Variants in BMPER observed in about 807,000 individuals in gnomAD.
BMPER encodes the protein BMP-binding endothelial regulator protein.
A neutral mutation model predicts 87.3 loss-of-function variants in BMPER; 45 were observed. The ratio of observed to expected loss-of-function variants is 0.52; its 90% confidence interval spans 0.41 to 0.66. The LOEUF (loss-of-function observed/expected upper bound fraction) is 0.66. BMPER is among the 30% of genes least tolerant of loss of function. The pLI, the probability that BMPER is intolerant of heterozygous loss-of-function variation, is 0.00. For synonymous variants in BMPER, 326 were observed against 316.2 expected (o/e 1.03, Z -0.33); for missense variants, 784 against 867.5 (o/e 0.90, Z 1.21).
At chr7:34,065,243 T>TCTCTCTCC (rs1243528612) in intron 11 of BMPER, among the ~76,000 whole-genome samples, 187 of 130,280 alleles carry the variant, frequency 1.4e-3, no homozygotes, top group African/African-American at 4.7e-3. Flanking sequence ...TCTCTCTCTC[T>TCTCTCTCC]CTCTCCCTCT....
At chr7:33,965,157 AC>A (rs1370786745) in intron 3 of BMPER, among the ~76,000 whole-genome samples, 1 of 152,182 alleles carries the variant, frequency 6.6e-6, no homozygotes, top group Non-Finnish European at 1.5e-5. Flanking sequence ...TATCTCTGTA[AC>A]ACTTCATGCA....
At chr7:33,909,085 G>A (rs913881785) in intron 2 of BMPER, among the ~76,000 whole-genome samples, 1 of 152,130 alleles carries the variant, frequency 6.6e-6, no homozygotes, top group Admixed American at 6.5e-5. Context: ...ACATTTATGT[G>A]TACTATTTTT....
chr7:33,924,011 C>T (rs1784298163), intron 2 of BMPER, among the ~76,000 whole-genome samples: 1 of 152,126 alleles, frequency 6.6e-6, no homozygotes, highest in Admixed American at 6.5e-5. Flanking sequence ...TGCATCTGTC[C>T]ACGTGTCTAC....
intron 6 of BMPER, among the ~76,000 whole-genome samples, chr7:33,988,421 C>G (rs11974011): frequency 0.57 from 86,889 of 151,856 alleles, 25,156 homozygotes; most frequent in Middle Eastern, 0.64. Context: ...ACTGAATGGA[C>G]AGAACATATG....
Position 34,062,042 on chromosome 7 carries a change from C to T in BMPER, c.1073C>T (p.Thr358Ile). Residue 358 changes from threonine (T) to isoleucine (I), a missense_variant, in exon 11 of 15, where the codon ACT (threonine) becomes ATT (isoleucine). Thr to Ile is a moderately conservative substitution (Grantham distance 89). Transcript: ENST00000649409. ...AGAAAAGGATGCTGTCCTATTTGCA[C>T]TGAAAGTAAGTTTATTCCTTTGAAA... ...LNRKGCCPIC[T>I]EKPGVCTVFG... 6.2e-7 allele frequency: 1 copy of T among 1,609,118 alleles called. No individual in the cohort carries two copies. The highest frequency in any genetic ancestry group is 1.3e-5 in the African/African-American group (1 of 74,454).
intron 3 of BMPER, chr7:33,940,055 T>C (rs1784715548): frequency 4.4e-6 from 1 of 227,086 alleles, no homozygotes; most frequent in Non-Finnish European, 1.0e-5. Flanking sequence ...TTGTAACTTA[T>C]GCTCATAGGA....
At chr7:33,919,941 A>ATCTATCTG (rs1405120600) in intron 2 of BMPER, among the ~76,000 whole-genome samples, 14 of 152,036 alleles carry the variant, frequency 9.2e-5, no homozygotes, top group African/African-American at 3.4e-4. Flanking sequence ...CTATCTATCT[A>ATCTATCTG]TCTATCTATC....
chr7:33,962,227 C>T lies in BMPER; in HGVS notation c.320-4252C>T, dbSNP rs969331329. 3.3e-5 allele frequency among the ~76,000 whole-genome samples: 5 copies of T among 152,242 alleles called. No individual in the cohort carries two copies. The East Asian group carries it at 5.8e-4, about 18-fold the overall frequency. ...TGTGCTCTTCCTGTTTTCATTGCCC[C>T]GTGTTCTCAGTTGGCTAAGCCAAGC... On this transcript the variant is annotated intron_variant, in intron 3 of 14. Transcript: ENST00000649409.
chr7:34,129,590 G>GAGAGAGAGAGAGAGAA lies in BMPER; in HGVS notation c.1746-13625_1746-13624insAAGAGAGAGAGAGAGA, dbSNP rs1554322637. ...GGAAGGAAGGAAGGAGAGAGAGAGAGAGAGAGAGAGAGAGAGAGAAAGAGA... is the reference window on the plus strand; with the variant it reads ...GGAAGGAAGGAAGGAGAGAGAGAGAGAGAGAGAGAGAGAGAAAGAGAGAGAGAGAGAGAGAAAGAGA... On this transcript the variant is annotated intron_variant, in intron 13 of 14. Transcript: ENST00000649409. Among the ~76,000 whole-genome samples the GAGAGAGAGAGAGAGAA allele has an allele frequency of 1.8e-3, 233 of 128,784 alleles. 5 individuals carry two copies. The highest frequency in any genetic ancestry group is 6.3e-3 in the African/African-American group (203 of 32,040). The allele number at this position is 128,784 out of a possible 152,430, so 84.5% of individuals were successfully genotyped here.
intron 13 of BMPER, among the ~76,000 whole-genome samples, chr7:34,100,201 A>G (rs976579348): frequency 6.6e-6 from 1 of 152,248 alleles, no homozygotes. Context: ...TGAAGAAGAC[A>G]TTCAACCAAT....
intron 11 of BMPER, among the ~76,000 whole-genome samples, chr7:34,074,551 G>T (rs555203682): frequency 1.6e-4 from 25 of 152,336 alleles, no homozygotes; most frequent in African/African-American, 5.5e-4. Flanking sequence ...TGGAGCCCCT[G>T]CATGACACAG....
chr7:33,996,699 C>T (rs942860636), intron 6 of BMPER, among the ~76,000 whole-genome samples: 4 of 152,138 alleles, frequency 2.6e-5, no homozygotes, highest in Non-Finnish European at 5.9e-5. Flanking sequence ...CTGGTAGCTG[C>T]GTTACTGTAA....
intron 6 of BMPER, among the ~76,000 whole-genome samples, chr7:34,028,602 T>G (rs13238770): frequency 6.8e-4 from 16 of 23,508 alleles, no homozygotes; most frequent in African/African-American, 2.5e-3. Context: ...ATTTTTTCTG[T>G]TTTTTTTTTT....
chr7:33,958,705 G>A (rs991419836), intron 3 of BMPER, among the ~76,000 whole-genome samples: 3 of 152,134 alleles, frequency 2.0e-5, no homozygotes, highest in Admixed American at 2.0e-4. Flanking sequence ...AAGTAATTGC[G>A]CTTTTTTGAA....
intron 6 of BMPER, among the ~76,000 whole-genome samples, chr7:34,004,879 G>C (rs1419659839): frequency 1.3e-5 from 2 of 152,092 alleles, no homozygotes; most frequent in South Asian, 2.1e-4. Flanking sequence ...GCCTTCTTAG[G>C]TGTTTCTTGG....
chr7:34,011,597 A>G lies in BMPER; in HGVS notation c.577-34709A>G, dbSNP rs187567147. On this transcript the variant is annotated intron_variant, in intron 6 of 14. Transcript: ENST00000649409. Reference sequence around the variant, plus strand: ...GTTGGTCAGGGCAAAAAAAAAAAAAAAAAAAAAGAAAAAAAAAGAAAGAAA... The same window carrying G: ...GTTGGTCAGGGCAAAAAAAAAAAAAGAAAAAAAGAAAAAAAAAGAAAGAAA... 8.9e-4 allele frequency among the ~76,000 whole-genome samples: 133 copies of G among 148,906 alleles called. 4 individuals are homozygous for G. The East Asian group carries it at 0.012, about 14-fold the overall frequency.
chr7:34,138,383 C>T (rs900364987), intron 13 of BMPER, among the ~76,000 whole-genome samples: 50 of 152,246 alleles, frequency 3.3e-4, no homozygotes, highest in African/African-American at 1.2e-3. Context: ...AAACATGACA[C>T]ACAAACATCA....
chr7:34,017,991 G>T (rs780210915), intron 6 of BMPER, among the ~76,000 whole-genome samples: 12 of 148,964 alleles, frequency 8.1e-5, no homozygotes, highest in African/African-American at 3.0e-4. Context: ...AACAAAACCC[G>T]TAGTTGAGTT....
At chr7:34,043,944 G>T (rs1196693531) in intron 6 of BMPER, among the ~76,000 whole-genome samples, 1 of 152,222 alleles carries the variant, frequency 6.6e-6, no homozygotes, top group Admixed American at 6.5e-5. Context: ...CATAGCCACA[G>T]ATTATAGTTT....
Sources: allele counts gnomAD v4.1 joint callset (sites outside exome capture counted in the v4.1 genomes callset), GRCh38; gene constraint gnomAD v4.1.1; transcripts MANE v1.5; gene names NCBI Gene and HGNC (gene_info 2026-07-23, HGNC 2026-07-21).